NSD1: variants seen among roughly 807,000 people sequenced by gnomAD.
The protein encoded by NSD1 is nuclear receptor binding SET domain protein 1.
NSD1 carries 26 observed loss-of-function variants against 242.7 expected under a neutral mutation model. That is an observed-to-expected ratio of 0.11 (90% CI 0.08 to 0.15). The LOEUF is 0.15. Among genes scored for constraint, NSD1 ranks in the 10% least tolerant of loss-of-function variants. NSD1 has a pLI of 1.00. For missense variants in NSD1, 2,495 were observed against 3,272.8 expected (o/e 0.76, Z 5.80); for synonymous variants, 1,106 against 1,178.1 (o/e 0.94, Z 1.25).
chr5:177,240,479 T>C (rs1268548157), intron 8 of NSD1, among the ~76,000 whole-genome samples: 3 of 152,114 alleles, frequency 2.0e-5, no homozygotes, highest in Non-Finnish European at 2.9e-5. Context: ...TTTGGGAGGC[T>C]GAGGCGGGCG....
chr5:177,245,873 G>A (rs535488275), intron 9 of NSD1, among the ~76,000 whole-genome samples: 1 of 152,110 alleles, frequency 6.6e-6, no homozygotes, highest in African/African-American at 2.4e-5. Flanking sequence ...TCCTGACCTC[G>A]TGATCTGTCC....
In NSD1 at chr5:177,135,772, A is replaced by G. The variant is rs1238513289; in HGVS notation, c.669A>G (p.Lys223=). 1.2e-6 allele frequency: 2 copies of G among 1,613,018 alleles called. No homozygotes were observed. The highest frequency in any genetic ancestry group is 1.7e-6 in the Non-Finnish European group (2 of 1,179,070). The change falls in exon 2 of 23, where the codon AAA becomes AAG. Residue 223 remains lysine, a synonymous_variant. Coordinates refer to ENST00000439151, the MANE Select transcript of NSD1 (RefSeq NM_022455.5). ...CAGAGAGTAGACACGGTGCAGTCAA[A>G]TCGCCATTCTTGCCATTAGCTCCTC... ...STPESRHGAV[K]SPFLPLAPQT... is the part of the protein sequence containing the mutation.
chr5:177,266,692 G>A (rs1256696616), intron 14 of NSD1: 13 of 294,982 alleles, frequency 4.4e-5, no homozygotes, highest in Non-Finnish European at 4.4e-5. Context: ...GATTAACTCG[G>A]ATATATTCTT....
intron 2 of NSD1, among the ~76,000 whole-genome samples, chr5:177,190,749 A>G (rs1038933147): frequency 1.3e-5 from 2 of 150,668 alleles, no homozygotes; most frequent in Non-Finnish European, 3.0e-5. Flanking sequence ...GGCTCACTGC[A>G]AGCTCCGCCT....
intron 20 of NSD1, among the ~76,000 whole-genome samples, chr5:177,285,619 C>G (rs1166767852): frequency 2.9e-5 from 4 of 136,176 alleles, no homozygotes; most frequent in African/African-American, 1.1e-4. Context: ...TTGAAATGTA[C>G]AAGAAAGTTA....
At position 177,264,028 on chromosome 5, in the gene NSD1, A is replaced by ATTTTTTTTTTTTTTTTTTTTTTTTTTTT. The variant is rs61538775; in HGVS notation, c.5147-3508_5147-3507insTTTTTTTTTTTTTTTTTTTTTTTTTTTT. On this transcript the variant is annotated intron_variant, in intron 14 of 22. Coordinates refer to ENST00000439151, the MANE Select transcript of NSD1 (RefSeq NM_022455.5). ...AAGATGCATATGACTCAATGAACCA[A>ATTTTTTTTTTTTTTTTTTTTTTTTTTTT]TTTTTTTTTTTTTTTTTTTTTTTTT... Among the ~76,000 whole-genome samples the ATTTTTTTTTTTTTTTTTTTTTTTTTTTT allele has an allele frequency of 5.1e-4, 39 of 76,384 alleles. 7 individuals are homozygous for ATTTTTTTTTTTTTTTTTTTTTTTTTTTT. The highest frequency in any genetic ancestry group is 7.1e-4 in the Non-Finnish European group (29 of 40,754). The allele number at this position is 76,384 out of a possible 152,430, so 50.1% of individuals were successfully genotyped here.
intron 2 of NSD1, among the ~76,000 whole-genome samples, chr5:177,158,293 C>CTTTTCTTTCTTTTCTTTCTTTTCTTTCT (rs59738936): frequency 2.6e-4 from 20 of 77,666 alleles, no homozygotes; most frequent in Non-Finnish European, 4.5e-4. Flanking sequence ...TTCTTTCTTT[C>CTTTTCTTTCTTTTCTTTCTTTTCTTTCT]TTTCTTTCTT....
intron 3 of NSD1, among the ~76,000 whole-genome samples, chr5:177,203,571 T>G (rs1762654676): frequency 6.6e-6 from 1 of 152,054 alleles, no homozygotes; most frequent in African/African-American, 2.4e-5. Context: ...ATTTTGGGGG[T>G]GTGGTTGTGG....
At chr5:177,283,185 C>T (rs541978223) in intron 19 of NSD1, among the ~76,000 whole-genome samples, 1 of 152,294 alleles carries the variant, frequency 6.6e-6, no homozygotes, top group South Asian at 2.1e-4. Flanking sequence ...AACTCCTGAC[C>T]TCAGGTGATC....
At chr5:177,169,882 T>G (rs1759543014) in intron 2 of NSD1, among the ~76,000 whole-genome samples, 1 of 152,212 alleles carries the variant, frequency 6.6e-6, no homozygotes, top group Admixed American at 6.6e-5. Flanking sequence ...TTGCTTAGTG[T>G]TTTTATCATG....
intron 2 of NSD1, among the ~76,000 whole-genome samples, chr5:177,181,426 G>GTTTTTTTTTTTT (rs1554183364): frequency 1.7e-5 from 2 of 119,776 alleles, no homozygotes. Flanking sequence ...GTTTTTTTTT[G>GTTTTTTTTTTTT]GTTTTTTTTT....
chr5:177,285,496 A>G (rs980481297), intron 20 of NSD1, among the ~76,000 whole-genome samples: 2 of 144,826 alleles, frequency 1.4e-5, no homozygotes, highest in Non-Finnish European at 3.0e-5. Flanking sequence ...CCCAGGAGGC[A>G]GAGCTTGTAG....
intron 2 of NSD1, among the ~76,000 whole-genome samples, chr5:177,147,530 C>G (rs905038918): frequency 2.6e-5 from 4 of 151,912 alleles, no homozygotes; most frequent in Admixed American, 6.6e-5. Flanking sequence ...TCTTTTTTTC[C>G]CTTAGCATAA....
chr5:177,171,177 T>C (rs28409670), intron 2 of NSD1, among the ~76,000 whole-genome samples: 9,387 of 151,804 alleles, frequency 0.062, 669 homozygotes, highest in African/African-American at 0.18. Context: ...AAATTAGTAG[T>C]GCGCCTGTAG....
rs372188814 is a variant in NSD1 at position 177,204,209 on chromosome 5, A to G, written c.1153A>G (p.Met385Val). The part of the protein sequence containing the change: ...RAWVAGKAIV[M>V]FEGRHQFEEL... ...CTGGGTGGCTGGAAAAGCAATCGTC[A>G]TGTTTGAAGGCAGACATCAATTCGA... is the stretch of plus-strand genomic sequence containing the variant. Residue 385 changes from methionine (M) to valine (V), a missense_variant, in exon 4 of 23, where the codon ATG (methionine) becomes GTG (valine). Physicochemically the swap from Met to Val is conservative, Grantham distance 21. Coordinates refer to ENST00000439151, the MANE Select transcript of NSD1 (RefSeq NM_022455.5). 34 of 1,614,074 alleles carry G rather than the reference A, an allele frequency of 2.1e-5. No individual in the cohort carries two copies. Among genetic ancestry groups the G allele is most frequent in the African/African-American group, 9.3e-5 (7 of 74,940 alleles).
intron 2 of NSD1, among the ~76,000 whole-genome samples, chr5:177,184,429 A>G (rs1760933528): frequency 2.0e-5 from 3 of 152,184 alleles, no homozygotes; most frequent in South Asian, 4.1e-4. Context: ...AGTAATTTCT[A>G]TTCAGATTTT....
At chr5:177,257,220 T>TTTTA in intron 13 of NSD1, 69 bp downstream of exon 13, 14 of 1,265,082 alleles carry the variant, frequency 1.1e-5, no homozygotes, top group African/African-American at 1.6e-5. Context: ...ATATTTTCTT[T>TTTTA]TTTCTTTCTT....
At chr5:177,217,484 T>A (rs1485840633) in intron 5 of NSD1, among the ~76,000 whole-genome samples, 1 of 152,134 alleles carries the variant, frequency 6.6e-6, no homozygotes, top group Non-Finnish European at 1.5e-5. Flanking sequence ...CTGCTAGGAC[T>A]TCAAATAATG....
chr5:177,290,409 T>A (rs1038223416), intron 21 of NSD1, among the ~76,000 whole-genome samples: 7 of 73,920 alleles, frequency 9.5e-5, no homozygotes, highest in Middle Eastern at 5.1e-3. Context: ...AGTAAATAAA[T>A]TTTTTTTTTT....
Sources: allele counts gnomAD v4.1 joint callset (sites outside exome capture counted in the v4.1 genomes callset), GRCh38; gene constraint gnomAD v4.1.1; transcripts MANE v1.5; gene names NCBI Gene and HGNC (gene_info 2026-07-23, HGNC 2026-07-21).